MYO5B: variants seen among roughly 807,000 people sequenced by gnomAD.
MYO5B encodes the protein myosin VB, also known as unconventional myosin-Vb.
MYO5B carries 143 observed loss-of-function variants against 229.3 expected under a neutral mutation model. The observed-to-expected ratio is 0.62, with a 90% CI of 0.54 to 0.72. MYO5B has a LOEUF of 0.72. MYO5B is among the 30% of genes least tolerant of loss of function. The pLI is 0.00. For missense variants in MYO5B, 2,321 were observed against 2,331.0 expected (o/e 1.00, Z 0.09); for synonymous variants, 918 against 885.2 (o/e 1.04, Z -0.66).
chr18:50,117,346 AC>A (rs1452810438), intron 1 of MYO5B, among the ~76,000 whole-genome samples: 19 of 152,126 alleles, frequency 1.2e-4, no homozygotes, highest in Admixed American at 1.2e-3. Flanking sequence ...TTCCAGGAAG[AC>A]CCAACATTCC....
chr18:50,192,765 T>C (rs1215591489), intron 1 of MYO5B, among the ~76,000 whole-genome samples: 1 of 152,228 alleles, frequency 6.6e-6, no homozygotes, highest in East Asian at 1.9e-4. Context: ...GTTAATAATG[T>C]AAAAGAGACT....
intron 1 of MYO5B, chr18:50,099,198 T>C (rs2031609538): frequency 6.6e-6 from 1 of 152,232 alleles, no homozygotes; most frequent in South Asian, 2.1e-4. Flanking sequence ...GACACAACAG[T>C]GTTCATATCT....
intron 4 of MYO5B, among the ~76,000 whole-genome samples, chr18:50,027,660 T>C (rs1023721516): frequency 6.6e-6 from 1 of 152,118 alleles, no homozygotes; most frequent in Admixed American, 6.5e-5. Flanking sequence ...CCAGATTAAG[T>C]GACTAGTACC....
chr18:49,853,798 G>A (rs1039932913), intron 30 of MYO5B, 151 bp from the exon 31 acceptor site: 1 of 751,466 alleles, frequency 1.3e-6, no homozygotes. Context: ...GGAGACAGAT[G>A]CCATGGGGAC....
intron 31 of MYO5B, among the ~76,000 whole-genome samples, chr18:49,851,770 G>C (rs566876806): frequency 6.6e-6 from 1 of 152,136 alleles, no homozygotes; most frequent in Non-Finnish European, 1.5e-5. Flanking sequence ...TTGTGCTGTG[G>C]TTACTTGTGT....
intron 26 of MYO5B, among the ~76,000 whole-genome samples, chr18:49,875,408 G>A (rs1005332439): frequency 2.6e-5 from 4 of 152,136 alleles, no homozygotes; most frequent in African/African-American, 9.7e-5. Context: ...TCCTGGCAGG[G>A]AGCTCCCCTC....
chr18:49,953,283 T>A lies in MYO5B; in HGVS notation c.1729A>T (p.Ile577Phe). The change falls in exon 14 of 40, where the codon ATC (isoleucine) becomes TTC (phenylalanine). Residue 577 changes from isoleucine (I) to phenylalanine (F), a missense_variant. Coordinates refer to ENST00000285039, the MANE Select transcript of MYO5B (RefSeq NM_001080467.3). Reference protein sequence around the residue: ...KNRDTVYEEQINILKASKFPL... With the variant: ...KNRDTVYEEQFNILKASKFPL... The stretch of plus-strand genomic sequence containing the variant: ...ACCTTGCTGGCCTTCAGGATATTGA[T>A]CTGCTCTTCATACACCGTGTCTCTG... The A allele has an allele frequency of 1.9e-6, 3 of 1,614,148 alleles. No homozygotes were observed. In the South Asian group the frequency reaches 3.3e-5, roughly 18 times the overall value.
chr18:49,826,598 G>A lies in MYO5B; in HGVS notation c.5420C>T (p.Pro1807Leu), dbSNP rs2023849729. The change falls in exon 40 of 40, where the codon CCT becomes CTT. Residue 1807 changes from proline (P) to leucine (L), a missense_variant. Pro to Leu is a moderately conservative substitution (Grantham distance 98). Around this residue, in one of 2 missense-constraint regions of MYO5B, gnomAD observed 208 missense variants for 286.3 expected, o/e 0.73. Coordinates refer to ENST00000285039, the MANE Select transcript of MYO5B (RefSeq NM_001080467.3). ...IQAQLQERNDPQQLLLDAKHM... is the reference protein window; with the variant it reads ...IQAQLQERNDLQQLLLDAKHM... ...CTTGGCATCTAATAGCAGTTGCTGA[G>A]GGTCATTCCGCTCTTGTAGTTGTGC... The A allele has an allele frequency of 6.2e-7, 1 of 1,613,580 alleles. No individual in the cohort carries two copies. The highest frequency in any genetic ancestry group is 8.5e-7 in the Non-Finnish European group (1 of 1,179,910).
chr18:49,895,460 C>CT (rs1478992369), intron 21 of MYO5B, among the ~76,000 whole-genome samples: 5 of 152,194 alleles, frequency 3.3e-5, no homozygotes, highest in African/African-American at 1.2e-4. Flanking sequence ...TAGCAGGTGG[C>CT]TTTATGGCTG....
intron 1 of MYO5B, among the ~76,000 whole-genome samples, chr18:50,097,899 A>G (rs1482949456): frequency 6.6e-6 from 1 of 152,212 alleles, no homozygotes; most frequent in Admixed American, 6.5e-5. Context: ...GAAACTGGAG[A>G]CAGCATGACT....
intron 16 of MYO5B, among the ~76,000 whole-genome samples, chr18:49,932,171 C>T (rs546449552): frequency 6.6e-6 from 1 of 152,332 alleles, no homozygotes; most frequent in African/African-American, 2.4e-5. Context: ...TCTGTCCCCT[C>T]CCTCTCTGTT....
chr18:50,052,322 T>C (rs2030416062), intron 2 of MYO5B, among the ~76,000 whole-genome samples: 2 of 149,760 alleles, frequency 1.3e-5, no homozygotes, highest in Non-Finnish European at 1.5e-5. Flanking sequence ...CCAACAATGA[T>C]AGACTGGATT....
chr18:50,068,073 G>C (rs1225653914), intron 1 of MYO5B, among the ~76,000 whole-genome samples: 1 of 151,402 alleles, frequency 6.6e-6, no homozygotes, highest in Non-Finnish European at 1.5e-5. Flanking sequence ...AACACTTTTA[G>C]AGTGGAAATA....
At chr18:50,134,346 G>A (rs1313155567) in intron 1 of MYO5B, among the ~76,000 whole-genome samples, 1 of 152,038 alleles carries the variant, frequency 6.6e-6, no homozygotes, top group Non-Finnish European at 1.5e-5. Context: ...ACAAGGTCAT[G>A]AGATCGAGAC....
chr18:50,186,295 G>C (rs930025681), intron 1 of MYO5B, among the ~76,000 whole-genome samples: 2 of 152,160 alleles, frequency 1.3e-5, no homozygotes, highest in African/African-American at 2.4e-5. Context: ...GCTGTTTCTG[G>C]GAATGAGACT....
chr18:50,107,183 G>A (rs983104983), intron 1 of MYO5B, among the ~76,000 whole-genome samples: 3 of 127,428 alleles, frequency 2.4e-5, no homozygotes, highest in Admixed American at 1.0e-4. Context: ...AGAGTGGCAC[G>A]ATCTCAGCTC....
chr18:49,856,404 C>G (rs1327042034), intron 30 of MYO5B, among the ~76,000 whole-genome samples: 1 of 152,190 alleles, frequency 6.6e-6, no homozygotes, highest in African/African-American at 2.4e-5. Flanking sequence ...ATCAGGCAGA[C>G]ATTTTTGGCT....
rs139548079 is a variant in MYO5B, at chr18:49,944,064, A to G, written c.1753-6667T>C. ...AGAGGGACTAGCTCATGTAGGCCTC[A>G]GTTAAGAATTTTTATTTTTATCCTA... On this transcript the variant is annotated intron_variant, in intron 14 of 39. Transcript: ENST00000285039. 5.3e-5 allele frequency among the ~76,000 whole-genome samples: 8 copies of G among 152,342 alleles called. No individual in the cohort carries two copies. The East Asian group carries it at 1.5e-3, about 29-fold the overall frequency.
At chr18:50,028,974 C>G (rs2026360791) in intron 4 of MYO5B, among the ~76,000 whole-genome samples, 1 of 152,214 alleles carries the variant, frequency 6.6e-6, no homozygotes, top group Admixed American at 6.5e-5. Context: ...GAAACTGCCT[C>G]TCCTATTCTT....
Sources: gnomAD v4.1 joint callset for allele counts (sites outside exome capture counted in the v4.1 genomes callset) on GRCh38, gnomAD v4.1.1 for gene constraint, gnomAD v4.1.1 regional missense constraint, MANE v1.5 for transcripts, NCBI Gene and HGNC (gene_info 2026-07-23, HGNC 2026-07-21) for gene names.